The following LDLRAD4 variants were observed in gnomAD, a reference collection of about 807,000 sequenced individuals.
LDLRAD4 encodes low density lipoprotein receptor class A domain containing 4.
Under a neutral mutation model 17.0 loss-of-function variants are expected in LDLRAD4, and 5 were observed. That is an observed-to-expected ratio of 0.29 (90% CI 0.15 to 0.62). The LOEUF (loss-of-function observed/expected upper bound fraction) is 0.62, where lower values mean the gene tolerates loss of function less well. Among genes scored for constraint, LDLRAD4 ranks in the 20% least tolerant of loss-of-function variants. The probability of loss-of-function intolerance (pLI) is 0.84; values close to 1 mark genes in which losing one functional copy is unlikely to be tolerated. For synonymous variants in LDLRAD4, 168 were observed against 171.8 expected (o/e 0.98, Z 0.17); for missense variants, 340 against 424.7 (o/e 0.80, Z 1.75).
At chr18:13,336,479 T>G (rs943045331) in intron 1 of LDLRAD4, among the ~76,000 whole-genome samples, 1 of 152,230 alleles carries the variant, frequency 6.6e-6, no homozygotes, top group Non-Finnish European at 1.5e-5. Flanking sequence ...GAATTCTTTT[T>G]ATGCATCTGT....
At chr18:13,612,550 C>G (rs1188197065) in intron 3 of LDLRAD4, 30 of 1,444,094 alleles carry the variant, frequency 2.1e-5, no homozygotes, top group Non-Finnish European at 2.6e-5. Context: ...AACACACCCC[C>G]CCCCCCTCCA....
chr18:13,434,828 C>T (rs1411076909), intron 2 of LDLRAD4, among the ~76,000 whole-genome samples: 1 of 152,196 alleles, frequency 6.6e-6, no homozygotes, highest in Non-Finnish European at 1.5e-5. Flanking sequence ...CAATAAAATA[C>T]CATTAACTAA....
At chr18:13,378,884 G>C (rs570795134) in intron 1 of LDLRAD4, among the ~76,000 whole-genome samples, 2 of 152,204 alleles carry the variant, frequency 1.3e-5, no homozygotes, top group African/African-American at 2.4e-5. Context: ...TGAATCTGAC[G>C]TTGTATCAGT....
intron 2 of LDLRAD4, among the ~76,000 whole-genome samples, chr18:13,413,242 C>T (rs1228494409): frequency 6.6e-6 from 1 of 152,168 alleles, no homozygotes; most frequent in Non-Finnish European, 1.5e-5. Context: ...TTCCCACAGA[C>T]CTATCAAGTG....
chr18:13,230,459 A>G (rs957610264), intron 1 of LDLRAD4, among the ~76,000 whole-genome samples: 13 of 152,156 alleles, frequency 8.5e-5, no homozygotes, highest in African/African-American at 3.1e-4. Context: ...CATTTTTCAA[A>G]CTTTGTATAT....
At chr18:13,535,538 A>G (rs1391881137) in intron 3 of LDLRAD4, among the ~76,000 whole-genome samples, 2 of 152,172 alleles carry the variant, frequency 1.3e-5, no homozygotes, top group African/African-American at 4.8e-5. Flanking sequence ...TAAGAAAACT[A>G]TATATGTTTT....
intron 3 of LDLRAD4, chr18:13,612,476 T>A: frequency 7.6e-7 from 1 of 1,312,008 alleles, no homozygotes; most frequent in South Asian, 2.1e-5. Flanking sequence ...CCACAGCATT[T>A]GAGTCTAGCA....
At chr18:13,221,885 C>T (rs551839797) in intron 1 of LDLRAD4, among the ~76,000 whole-genome samples, 1 of 152,242 alleles carries the variant, frequency 6.6e-6, no homozygotes, top group African/African-American at 2.4e-5. Context: ...TTGGCAGCTG[C>T]GAGCTTTCCC....
chr18:13,362,694 A>C (rs2083757706), intron 1 of LDLRAD4: 1 of 152,250 alleles, frequency 6.6e-6, no homozygotes, highest in Non-Finnish European at 1.5e-5. Context: ...TATGGAAACC[A>C]ATTTAATAGA....
intron 1 of LDLRAD4, among the ~76,000 whole-genome samples, chr18:13,243,007 GC>G (rs1567924841): frequency 6.6e-6 from 1 of 152,230 alleles, no homozygotes; most frequent in Non-Finnish European, 1.5e-5. Flanking sequence ...CGCCTGCTCT[GC>G]CCCTGTGCCT....
intron 3 of LDLRAD4, among the ~76,000 whole-genome samples, chr18:13,449,850 C>T (rs2091681006): frequency 6.6e-6 from 1 of 152,160 alleles, no homozygotes; most frequent in South Asian, 2.1e-4. Context: ...AGCTGTTCTC[C>T]CTGTCTGGGT....
intron 1 of LDLRAD4, among the ~76,000 whole-genome samples, chr18:13,252,411 G>C (rs766878943): frequency 7.2e-5 from 11 of 152,206 alleles, no homozygotes; most frequent in Non-Finnish European, 1.0e-4. Context: ...TTACAGGCGT[G>C]AGCAACTGTG....
At position 13,338,769 on chromosome 18, in the gene LDLRAD4, G is replaced by GT. The variant is rs907710430; in HGVS notation, c.-382-48565dup. On this transcript the variant is annotated intron_variant, in intron 1 of 5. Transcript: ENST00000359446. Reference sequence around the variant, plus strand: ...CCTGTTTACACATTCTGGCTCGTGTGTTTTTTTGTTTGTGTTTAGCTGGGT... The same window carrying GT: ...CCTGTTTACACATTCTGGCTCGTGTGTTTTTTTTGTTTGTGTTTAGCTGGGT... Among the ~76,000 whole-genome samples the GT allele has an allele frequency of 2.8e-4, 43 of 152,242 alleles. 1 individual carries two copies. The East Asian group carries it at 6.2e-3, about 22-fold the overall frequency.
chr18:13,645,614 T>C lies in LDLRAD4; in HGVS notation c.878T>C (p.Val293Ala). The C allele has an allele frequency of 6.5e-7, 1 of 1,531,660 alleles. No individual in the cohort carries two copies. Among genetic ancestry groups the C allele is most frequent in the Non-Finnish European group, 8.8e-7 (1 of 1,139,812 alleles). 94.9% of individuals were successfully genotyped at this position (1,531,660 alleles called of 1,614,324 possible). A position where few individuals can be genotyped will look rare whatever the true frequency, so the allele number is the denominator to read the frequency against. ...CAGAACAATGCAGAGAGCACAATAG[T>C]ACCCATCAAAGGCAAAGATAGGAAG... The change falls in exon 6 of 6, where the codon GTA becomes GCA. Residue 293 changes from valine to alanine, a missense_variant. Physicochemically the swap from Val to Ala is moderately conservative, Grantham distance 64. Transcript: ENST00000359446. This position sits in a 1 kb window ranked among gnomAD's most constrained non-coding sequence, Gnocchi z 5.7.
chr18:13,635,983 T>C (rs1440957346), intron 4 of LDLRAD4, among the ~76,000 whole-genome samples: 1 of 150,186 alleles, frequency 6.7e-6, no homozygotes, highest in Non-Finnish European at 1.5e-5. Context: ...GTGCCTTCTG[T>C]GGATATCGGC....
intron 3 of LDLRAD4, among the ~76,000 whole-genome samples, chr18:13,566,745 T>A (rs2094607927): frequency 6.6e-6 from 1 of 152,230 alleles, no homozygotes; most frequent in South Asian, 2.1e-4. Flanking sequence ...TGGCTTTATG[T>A]CTTTATCCTT....
chr18:13,317,992 A>G (rs1478964137), intron 1 of LDLRAD4, among the ~76,000 whole-genome samples: 2 of 152,102 alleles, frequency 1.3e-5, no homozygotes, highest in African/African-American at 2.4e-5. Flanking sequence ...ATTATGTTAA[A>G]TATTTGTCTC....
intron 2 of LDLRAD4, among the ~76,000 whole-genome samples, chr18:13,426,428 T>C (rs28493835): frequency 2.6e-3 from 394 of 152,304 alleles, no homozygotes; most frequent in African/African-American, 9.3e-3. Flanking sequence ...TTGTCAGAAA[T>C]AAGTAGTTTT....
chr18:13,300,532 C>T lies in LDLRAD4; in HGVS notation c.-383+22344C>T, dbSNP rs1304630136. Among the ~76,000 whole-genome samples the T allele has an allele frequency of 6.6e-6, 1 of 152,250 alleles. No homozygotes were observed. Among genetic ancestry groups the T allele is most frequent in the African/African-American group, 2.4e-5 (1 of 41,460 alleles). Reference sequence around the variant, plus strand: ...ATTGTCCTCACTCTTCCTCCTGGGCCTGTCCCGGTAGAGATACCCGGAACC... The same window carrying T: ...ATTGTCCTCACTCTTCCTCCTGGGCTTGTCCCGGTAGAGATACCCGGAACC... On this transcript the variant is annotated intron_variant, in intron 1 of 5. Transcript: ENST00000359446. This position sits in a 1 kb window ranked among gnomAD's most constrained non-coding sequence, Gnocchi z 4.2.
Sources: allele counts gnomAD v4.1 joint callset (sites outside exome capture counted in the v4.1 genomes callset), GRCh38; gene constraint gnomAD v4.1.1; non-coding constraint Gnocchi (gnomAD v3.1); transcripts MANE v1.5; gene names NCBI Gene and HGNC (gene_info 2026-07-23, HGNC 2026-07-21).